The following MAPK8 variants were observed in gnomAD, a reference collection of about 807,000 sequenced individuals.
MAPK8 encodes the protein JUN N-terminal kinase.
In MAPK8, 13 loss-of-function variants were observed where a neutral mutation model predicts 52.9. That is an observed-to-expected ratio of 0.25 (90% confidence interval 0.16 to 0.39). The LOEUF (loss-of-function observed/expected upper bound fraction) is 0.39. Ranked by LOEUF, MAPK8 falls within the 10% of genes least tolerant of loss-of-function variation. The pLI is 1.00. For synonymous variants in MAPK8, 191 were observed against 169.8 expected (o/e 1.12, Z -0.97); for missense variants, 300 against 519.2 (o/e 0.58, Z 4.10).
chr10:48,435,080 A>G lies in MAPK8; in HGVS notation c.*51A>G, dbSNP rs2044748387. 2 of 1,383,318 alleles carry G rather than the reference A, an allele frequency of 1.4e-6. No homozygotes were observed. The highest frequency in any genetic ancestry group is 2.5e-5 in the East Asian group (1 of 39,628). 85.7% of individuals were successfully genotyped at this position (1,383,318 alleles called of 1,614,324 possible). A position where few individuals can be genotyped will look rare whatever the true frequency, so the allele number is the denominator to read the frequency against. The stretch of plus-strand genomic sequence containing the variant: ...GGGATGGGGAGTCGGTTAGTCATTG[A>G]TAGAACTACTTTGAAAACAATTCAG... On this transcript the variant is annotated 3_prime_UTR_variant, in exon 12 of 12. Transcript: ENST00000374189.
chr10:48,390,420 TA>T (rs1490928466), intron 1 of MAPK8, among the ~76,000 whole-genome samples: 2 of 152,186 alleles, frequency 1.3e-5, no homozygotes, highest in African/African-American at 2.4e-5. Flanking sequence ...CCAGGTTAAG[TA>T]AAAATAGATA....
At chr10:48,415,444 A>G (rs2043012632) in intron 5 of MAPK8, among the ~76,000 whole-genome samples, 1 of 152,246 alleles carries the variant, frequency 6.6e-6, no homozygotes, top group Non-Finnish European at 1.5e-5. Context: ...AACAAACACA[A>G]AATTACAAAA....
intron 1 of MAPK8, among the ~76,000 whole-genome samples, chr10:48,399,164 T>G (rs143215899): frequency 2.0e-5 from 3 of 152,342 alleles, no homozygotes; most frequent in Admixed American, 2.0e-4. Flanking sequence ...TTTCCTTCAT[T>G]GTCCTTACCA....
intron 1 of MAPK8, among the ~76,000 whole-genome samples, chr10:48,363,777 A>C (rs183831164): frequency 7.8e-4 from 118 of 152,220 alleles, no homozygotes; most frequent in Admixed American, 2.2e-3. Context: ...TTCTACTTTG[A>C]GTACTGTTTG....
intron 5 of MAPK8, among the ~76,000 whole-genome samples, chr10:48,411,460 T>C (rs529960598): frequency 2.0e-5 from 3 of 152,364 alleles, no homozygotes; most frequent in East Asian, 1.9e-4. Flanking sequence ...CAGTTCTGTT[T>C]CACATAGCTC....
chr10:48,412,179 A>G (rs1227110712), intron 5 of MAPK8, among the ~76,000 whole-genome samples: 1 of 152,048 alleles, frequency 6.6e-6, no homozygotes, highest in Non-Finnish European at 1.5e-5. Flanking sequence ...ATCCATTGCT[A>G]TTTGTTTTGC....
At chr10:48,384,473 G>A (rs1469512623) in intron 1 of MAPK8, among the ~76,000 whole-genome samples, 1 of 152,104 alleles carries the variant, frequency 6.6e-6, no homozygotes, top group Non-Finnish European at 1.5e-5. Context: ...TGAATGGGTG[G>A]TCTTTTTATG....
At chr10:48,343,591 T>C (rs1259505983) in intron 1 of MAPK8, among the ~76,000 whole-genome samples, 4 of 152,192 alleles carry the variant, frequency 2.6e-5, no homozygotes, top group African/African-American at 9.7e-5. Context: ...ATGTCAGGTG[T>C]TTCTGAAAGA....
intron 7 of MAPK8, among the ~76,000 whole-genome samples, chr10:48,424,827 T>C (rs190676862): frequency 1.5e-3 from 224 of 152,254 alleles, no homozygotes; most frequent in African/African-American, 5.1e-3. Context: ...TGATTTAACC[T>C]AAATCAAAAA....
chr10:48,375,405 G>A (rs1299242428), intron 1 of MAPK8, among the ~76,000 whole-genome samples: 6 of 152,178 alleles, frequency 3.9e-5, no homozygotes, highest in African/African-American at 1.4e-4. Flanking sequence ...TCAGGCAAGA[G>A]AAAGAAATAA....
chr10:48,336,288 A>G (rs1844679052), intron 1 of MAPK8, among the ~76,000 whole-genome samples: 1 of 152,228 alleles, frequency 6.6e-6, no homozygotes, highest in Admixed American at 6.5e-5. Flanking sequence ...AACAATGTAG[A>G]TGAAATGGAA....
At position 48,348,845 on chromosome 10, in the gene MAPK8, G is replaced by C. The variant is rs1193264361; in HGVS notation, c.-50+42024G>C. On this transcript the variant is annotated intron_variant, in intron 1 of 11. Coordinates refer to ENST00000374189, the MANE Select transcript of MAPK8 (RefSeq NM_001323329.2). ...TGATGCCTCGAGCTTTGTTCTTTCTGCTTAGGATTGTCTTGGCTATACGGG... is the reference window on the plus strand; with the variant it reads ...TGATGCCTCGAGCTTTGTTCTTTCTCCTTAGGATTGTCTTGGCTATACGGG... 7.3e-5 allele frequency among the ~76,000 whole-genome samples: 11 copies of C among 151,724 alleles called. No individual in the cohort carries two copies. The East Asian group carries it at 1.7e-3, about 24-fold the overall frequency.
intron 5 of MAPK8, among the ~76,000 whole-genome samples, chr10:48,414,047 A>G (rs555093898): frequency 6.6e-6 from 1 of 151,252 alleles, no homozygotes; most frequent in Non-Finnish European, 1.5e-5. Flanking sequence ...CTCCACATCC[A>G]CTCATCTTTA....
At chr10:48,374,377 A>G (rs560819350) in intron 1 of MAPK8, among the ~76,000 whole-genome samples, 4 of 152,322 alleles carry the variant, frequency 2.6e-5, no homozygotes, top group South Asian at 4.1e-4. Flanking sequence ...AGCAGAAGAC[A>G]AAAAATAACT....
At chr10:48,393,601 A>G (rs1157482792) in intron 1 of MAPK8, among the ~76,000 whole-genome samples, 2 of 152,128 alleles carry the variant, frequency 1.3e-5, no homozygotes, top group Non-Finnish European at 2.9e-5. Context: ...CAGTATTAAA[A>G]TAGTATTTAC....
At chr10:48,352,554 T>G (rs1846438541) in intron 1 of MAPK8, among the ~76,000 whole-genome samples, 1 of 152,122 alleles carries the variant, frequency 6.6e-6, no homozygotes, top group Non-Finnish European at 1.5e-5. Context: ...ATAGAAGCAT[T>G]TGACAAAATT....
chr10:48,420,404 A>G (rs1397793516), intron 6 of MAPK8, 84 bp downstream of exon 6: 2 of 1,283,680 alleles, frequency 1.6e-6, no homozygotes, highest in African/African-American at 3.0e-5. Flanking sequence ...ATACTTAAGC[A>G]GAAGTACGTT....
rs2044997290 is a variant in MAPK8, at chr10:48,438,041, T to A, written c.*3012T>A. On this transcript the variant is annotated 3_prime_UTR_variant, in exon 12 of 12. Coordinates refer to ENST00000374189, the MANE Select transcript of MAPK8 (RefSeq NM_001323329.2). ...AGTATCTGCTAAACATATGAAGACT[T>A]AACTATTCAGTGTTGCCTAGGCATT... 6.6e-6 allele frequency: 1 copy of A among 152,274 alleles called. No homozygotes were observed. The allele number at this position is 152,274 out of a possible 1,614,324, so 9.4% of individuals were successfully genotyped here.
intron 1 of MAPK8, among the ~76,000 whole-genome samples, chr10:48,324,653 A>G (rs780110213): frequency 3.3e-5 from 5 of 149,428 alleles, no homozygotes; most frequent in Non-Finnish European, 5.9e-5. Context: ...CCTAAAGTAG[A>G]AGATTGAGCC....
Sources: allele counts gnomAD v4.1 joint callset (sites outside exome capture counted in the v4.1 genomes callset), GRCh38; gene constraint gnomAD v4.1.1; transcripts MANE v1.5; gene names NCBI Gene and HGNC (gene_info 2026-07-23, HGNC 2026-07-21).